Variants in SLC30A8 observed in about 807,000 individuals in gnomAD.
SLC30A8 encodes proton-coupled zinc antiporter SLC30A8.
A neutral mutation model predicts 36.9 loss-of-function variants in SLC30A8; 27 were observed. The observed-to-expected ratio is 0.73, with a 90% CI of 0.54 to 1.01. The LOEUF is 1.01. Among genes scored for constraint, SLC30A8 ranks in the 50% least tolerant of loss-of-function variants. The pLI, the probability that SLC30A8 is intolerant of heterozygous loss-of-function variation, is 0.00. For missense variants in SLC30A8, 439 were observed against 452.0 expected, an observed-to-expected ratio of 0.97 and a Z score of 0.26; for synonymous variants, 164 against 172.4, an observed-to-expected ratio of 0.95 and a Z score of 0.38.
chr8:116,955,906 T>G (rs773774263), intron 1 of SLC30A8, among the ~76,000 whole-genome samples: 12 of 152,046 alleles, frequency 7.9e-5, no homozygotes, highest in Non-Finnish European at 1.6e-4. Context: ...AGAAAAAATT[T>G]CTCTCGTTTT....
chr8:117,170,164 T>A (rs1303828556), intron 6 of SLC30A8, among the ~76,000 whole-genome samples: 2 of 152,154 alleles, frequency 1.3e-5, no homozygotes, highest in Non-Finnish European at 2.9e-5. Context: ...TGGGTGTAAC[T>A]TAGTCATCAG....
chr8:117,170,966 T>G, intron 6 of SLC30A8, 68 bp from the exon 7 acceptor site: 1 of 1,395,042 alleles, frequency 7.2e-7, no homozygotes, highest in Non-Finnish European at 9.7e-7. Flanking sequence ...CTTTGCAGCT[T>G]GTTTAGGTAA....
At chr8:116,994,541 C>A (rs1050625842) in intron 1 of SLC30A8, among the ~76,000 whole-genome samples, 7 of 152,078 alleles carry the variant, frequency 4.6e-5, no homozygotes, top group African/African-American at 7.3e-5. Flanking sequence ...ACATACAGTT[C>A]TGTAGGATTC....
chr8:117,041,294 A>G lies in SLC30A8; in HGVS notation c.-226+2036A>G, dbSNP rs138128688. Among the ~76,000 whole-genome samples the G allele has an allele frequency of 6.4e-3, 974 of 152,336 alleles. 17 individuals are homozygous for G. Among genetic ancestry groups the G allele is most frequent in the African/African-American group, 0.022 (924 of 41,578 alleles). ...AGAGGAAGAAATGGAATTTGGACAT[A>G]TAGCAGAAAGGAATTCCTAAACACT... On this transcript the variant is annotated intron_variant, in intron 2 of 10. Coordinates refer to the SLC30A8 transcript ENST00000427715.
At chr8:117,016,494 A>G (rs976106037) in intron 1 of SLC30A8, among the ~76,000 whole-genome samples, 1 of 152,292 alleles carries the variant, frequency 6.6e-6, no homozygotes, top group Admixed American at 6.5e-5. Flanking sequence ...CCAAATAAAT[A>G]CATCTCTCTC....
intron 1 of SLC30A8, among the ~76,000 whole-genome samples, chr8:116,998,036 A>T (rs1815879393): frequency 6.6e-6 from 1 of 151,996 alleles, no homozygotes; most frequent in Admixed American, 6.5e-5. Flanking sequence ...TGTTTGATCT[A>T]AGCAGAGATT....
chr8:117,116,409 A>G (rs901905708), intron 2 of SLC30A8, among the ~76,000 whole-genome samples: 1 of 152,066 alleles, frequency 6.6e-6, no homozygotes, highest in Non-Finnish European at 1.5e-5. Context: ...ATCATTTATG[A>G]TTACTGAAGC....
chr8:117,011,110 C>G (rs149437233), intron 1 of SLC30A8, among the ~76,000 whole-genome samples: 2 of 152,074 alleles, frequency 1.3e-5, no homozygotes, highest in Admixed American at 1.3e-4. Context: ...GGCTACAGCC[C>G]GAGAGAACGA....
intron 4 of SLC30A8, 66 bp downstream of exon 4, chr8:117,157,910 G>A (rs139260515): frequency 0.01 from 15,856 of 1,563,280 alleles, 102 homozygotes; most frequent in Non-Finnish European, 0.013. Flanking sequence ...GGACAAAGTC[G>A]ACCTTTTAAA....
chr8:117,100,888 C>T (rs1275101630), intron 2 of SLC30A8, among the ~76,000 whole-genome samples: 1 of 152,146 alleles, frequency 6.6e-6, no homozygotes, highest in Non-Finnish European at 1.5e-5. Flanking sequence ...ATGAATGTAA[C>T]TCTTCTCTGA....
rs1373510874 is a variant in SLC30A8 at position 117,174,528 on chromosome 8, G to C, written c.*1847G>C. The C allele has an allele frequency of 1.3e-5, 2 of 152,480 alleles. No homozygotes were observed. The highest frequency in any genetic ancestry group is 2.9e-5 in the Non-Finnish European group (2 of 68,012). The allele number at this position is 152,480 out of a possible 1,614,324, so 9.4% of individuals were successfully genotyped here. On this transcript the variant is annotated 3_prime_UTR_variant, in exon 8 of 8. Coordinates refer to ENST00000456015, the MANE Select transcript of SLC30A8 (RefSeq NM_173851.3). ...TTCCCAACGTCTCCTGCCACATCGG[G>C]TTCTCAAAATGGAAAGAATGGTTTA...
At chr8:117,159,666 T>C (rs1483980292) in intron 4 of SLC30A8, among the ~76,000 whole-genome samples, 1 of 152,194 alleles carries the variant, frequency 6.6e-6, no homozygotes, top group Admixed American at 6.5e-5. Flanking sequence ...AGGAGACAAA[T>C]ATGCCAGAGC....
At chr8:117,079,973 C>T (rs2130810232) in intron 2 of SLC30A8, among the ~76,000 whole-genome samples, 1 of 152,288 alleles carries the variant, frequency 6.6e-6, no homozygotes, top group African/African-American at 2.4e-5. Context: ...TTGTTCCAGG[C>T]CCTCTACTCT....
chr8:116,965,529 C>T (rs1814571603), intron 1 of SLC30A8, among the ~76,000 whole-genome samples: 1 of 152,202 alleles, frequency 6.6e-6, no homozygotes, highest in African/African-American at 2.4e-5. Flanking sequence ...TTGTTCTGTT[C>T]TTTGAGATCC....
chr8:117,028,593 T>C (rs1816943226), intron 1 of SLC30A8, among the ~76,000 whole-genome samples: 1 of 151,508 alleles, frequency 6.6e-6, no homozygotes, highest in Non-Finnish European at 1.5e-5. Flanking sequence ...TTAGGAAGAC[T>C]AGGTCAAAGA....
intron 1 of SLC30A8, among the ~76,000 whole-genome samples, chr8:117,138,085 AAG>A (rs1051565472): frequency 2.0e-5 from 3 of 150,700 alleles, no homozygotes; most frequent in South Asian, 2.1e-4. Flanking sequence ...AAAAAAGAAA[AAG>A]AAAAAAAAAA....
chr8:117,044,357 T>C (rs1196701471), intron 2 of SLC30A8, among the ~76,000 whole-genome samples: 5 of 152,186 alleles, frequency 3.3e-5, no homozygotes, highest in African/African-American at 1.2e-4. Flanking sequence ...TATTAGGTGA[T>C]GTTATTCTCT....
chr8:117,008,565 T>A (rs1221744490), intron 1 of SLC30A8, among the ~76,000 whole-genome samples: 1 of 152,208 alleles, frequency 6.6e-6, no homozygotes, highest in Non-Finnish European at 1.5e-5. Flanking sequence ...AAGATTGATA[T>A]GTCAAATGGT....
chr8:117,103,161 A>G (rs1586520288), intron 2 of SLC30A8, among the ~76,000 whole-genome samples: 1 of 152,078 alleles, frequency 6.6e-6, no homozygotes, highest in African/African-American at 2.4e-5. Context: ...CTATTAGTGC[A>G]CCTGCCAAAC....
Sources: gnomAD v4.1 joint callset for allele counts (sites outside exome capture counted in the v4.1 genomes callset) on GRCh38, gnomAD v4.1.1 for gene constraint, MANE v1.5 for transcripts, NCBI Gene and HGNC (gene_info 2026-07-23, HGNC 2026-07-21) for gene names.